Variants in STARD13 observed in about 807,000 individuals in gnomAD.
STARD13 encodes the protein stAR-related lipid transfer protein 13.
A neutral mutation model predicts 106.4 loss-of-function variants in STARD13; 62 were observed. That is an observed-to-expected ratio of 0.58 (90% CI 0.48 to 0.72). The LOEUF (loss-of-function observed/expected upper bound fraction) is 0.72. STARD13 is among the 30% of genes least tolerant of loss of function. The pLI is 0.00. For synonymous variants in STARD13, 565 were observed against 553.0 expected (o/e 1.02, Z -0.31); for missense variants, 1,387 against 1,424.0 (o/e 0.97, Z 0.42).
intron 1 of STARD13, among the ~76,000 whole-genome samples, chr13:33,303,802 T>C (rs1418356182): frequency 6.6e-6 from 1 of 152,204 alleles, no homozygotes; most frequent in Non-Finnish European, 1.5e-5. Context: ...AGTTGAACCA[T>C]CATCCCAGTT....
chr13:33,320,615 T>A (rs901877396), intron 1 of STARD13, among the ~76,000 whole-genome samples: 1 of 152,224 alleles, frequency 6.6e-6, no homozygotes, highest in African/African-American at 2.4e-5. Flanking sequence ...ATACTTAGAT[T>A]ATATACCTTA....
chr13:33,394,807 C>G, the STARD13 span, among the ~76,000 whole-genome samples: 1 of 152,186 alleles, frequency 6.6e-6, no homozygotes, highest in Non-Finnish European at 1.5e-5. Flanking sequence ...CTGGCCAGAG[C>G]AGGCAGAGTT....
At chr13:33,520,407 CA>C in the STARD13 span, among the ~76,000 whole-genome samples, 2 of 152,018 alleles carry the variant, frequency 1.3e-5, no homozygotes, top group Admixed American at 6.6e-5. Flanking sequence ...TTAGTCCTGG[CA>C]AATAGTTCCC....
In STARD13 at chr13:33,103,386, G is replaced by C. The variant is rs1191196408; in HGVS notation, c.*2207C>G. On this transcript the variant is annotated 3_prime_UTR_variant, in exon 14 of 14. Coordinates refer to ENST00000336934, the MANE Select transcript of STARD13 (RefSeq NM_178006.4). Reference sequence around the variant, plus strand: ...TTTTCCCTTTTCCTTGTTTTAAAAAGATGCACTGTGTTGTTATGCAGCGGT... The same window carrying C: ...TTTTCCCTTTTCCTTGTTTTAAAAACATGCACTGTGTTGTTATGCAGCGGT... The C allele has an allele frequency of 6.6e-6, 1 of 152,550 alleles. No homozygotes were observed. The highest frequency in any genetic ancestry group is 1.5e-5 in the Non-Finnish European group (1 of 68,024). The allele number at this position is 152,550 out of a possible 1,614,324, so 9.4% of individuals were successfully genotyped here.
At chr13:33,372,823 AAT>A in the STARD13 span, among the ~76,000 whole-genome samples, 1 of 152,204 alleles carries the variant, frequency 6.6e-6, no homozygotes, top group East Asian at 1.9e-4. Context: ...TTAGCCAAAT[AAT>A]ACAATTCAGA....
At chr13:33,520,217 A>G in the STARD13 span, 1 of 152,296 alleles carries the variant, frequency 6.6e-6, no homozygotes, top group East Asian at 1.9e-4. Context: ...TACTTCTTTA[A>G]TAATTCAGAG....
chr13:33,130,392 C>T lies in STARD13; in HGVS notation c.388-103G>A. On this transcript the variant is annotated intron_variant, in intron 4 of 13. Coordinates refer to ENST00000336934, the MANE Select transcript of STARD13 (RefSeq NM_178006.4). The surrounding 1 kb of genome is among the most constrained non-coding windows in gnomAD (Gnocchi z 4.1). Reference sequence around the variant, plus strand: ...CTGTGTGGTCCTCCACCTCCCTCCCCTCTGTCCTCCCATGCACAGGTGTGA... The same window carrying T: ...CTGTGTGGTCCTCCACCTCCCTCCCTTCTGTCCTCCCATGCACAGGTGTGA... 8.9e-7 allele frequency: 1 copy of T among 1,121,812 alleles called. No individual in the cohort carries two copies. 69.5% of individuals were successfully genotyped at this position (1,121,812 alleles called of 1,614,324 possible).
chr13:33,572,309 T>C, the STARD13 span, among the ~76,000 whole-genome samples: 1 of 152,220 alleles, frequency 6.6e-6, no homozygotes, highest in Admixed American at 6.6e-5. Context: ...CTTGTGCCAG[T>C]CACTGAGTTT....
chr13:33,117,532 T>A, intron 8 of STARD13: 12 of 773,514 alleles, frequency 1.6e-5, no homozygotes, highest in Non-Finnish European at 1.7e-5. Context: ...CTTAACATTA[T>A]TAAAAAAAAT....
At chr13:33,664,348 A>G in the STARD13 span, among the ~76,000 whole-genome samples, 12 of 152,350 alleles carry the variant, frequency 7.9e-5, no homozygotes, top group Non-Finnish European at 1.5e-5. Flanking sequence ...TTTTGGTGTC[A>G]CAGCTTGACA....
At chr13:33,586,835 C>T in the STARD13 span, among the ~76,000 whole-genome samples, 1 of 152,154 alleles carries the variant, frequency 6.6e-6, no homozygotes, top group Non-Finnish European at 1.5e-5. Context: ...CCTATTCTGA[C>T]ATTGGTTCTC....
At chr13:33,603,403 G>A in the STARD13 span, among the ~76,000 whole-genome samples, 1 of 152,178 alleles carries the variant, frequency 6.6e-6, no homozygotes, top group South Asian at 2.1e-4. Context: ...GGTAACAGAA[G>A]GCTGGAACTG....
chr13:33,626,154 T>C, the STARD13 span, among the ~76,000 whole-genome samples: 18,420 of 152,170 alleles, frequency 0.12, 2,822 homozygotes, highest in African/African-American at 0.36. Context: ...CATCTGCACA[T>C]GTGCATACAC....
intron 1 of STARD13, among the ~76,000 whole-genome samples, chr13:33,349,717 G>C (rs533931332): frequency 6.6e-6 from 1 of 152,342 alleles, no homozygotes; most frequent in South Asian, 2.1e-4. Flanking sequence ...ACAGCTGGCA[G>C]GGCCTGCGGA....
intron 7 of STARD13, among the ~76,000 whole-genome samples, chr13:33,119,725 C>T (rs1023634893): frequency 6.6e-6 from 1 of 152,170 alleles, no homozygotes; most frequent in Non-Finnish European, 1.5e-5. Flanking sequence ...TAATCCCACA[C>T]ATCAGGATAT....
At chr13:33,337,281 G>T (rs1414079715) in intron 1 of STARD13, among the ~76,000 whole-genome samples, 1 of 151,982 alleles carries the variant, frequency 6.6e-6, no homozygotes, top group Non-Finnish European at 1.5e-5. Flanking sequence ...TAGCTTTAAT[G>T]GTTTTAATAG....
chr13:33,590,358 C>G, the STARD13 span, among the ~76,000 whole-genome samples: 2 of 152,000 alleles, frequency 1.3e-5, no homozygotes, highest in Admixed American at 6.6e-5. Context: ...GGTATATACC[C>G]CAAGGATTAT....
chr13:33,516,952 A>G, the STARD13 span, among the ~76,000 whole-genome samples: 1 of 152,050 alleles, frequency 6.6e-6, no homozygotes, highest in Admixed American at 6.6e-5. Context: ...GAAAAAAAAA[A>G]AAAAAGGAGG....
the STARD13 span, among the ~76,000 whole-genome samples, chr13:33,505,363 T>C: frequency 1.3e-5 from 2 of 152,256 alleles, no homozygotes; most frequent in Admixed American, 1.3e-4. Flanking sequence ...TATAATACAA[T>C]AAGTAATTAA....
Sources: allele counts gnomAD v4.1 joint callset (sites outside exome capture counted in the v4.1 genomes callset), GRCh38; gene constraint gnomAD v4.1.1; non-coding constraint Gnocchi (gnomAD v3.1); transcripts MANE v1.5; gene names NCBI Gene and HGNC (gene_info 2026-07-23, HGNC 2026-07-21).